IKZF2: variants seen among roughly 807,000 people sequenced by gnomAD.
IKZF2 encodes the protein zinc finger protein Helios.
Under a neutral mutation model 49.2 loss-of-function variants are expected in IKZF2, and 15 were observed. That is an observed-to-expected ratio of 0.30 (90% CI 0.20 to 0.47). IKZF2 has a LOEUF of 0.47. Ranked by LOEUF, IKZF2 falls within the 20% of genes least tolerant of loss-of-function variation. IKZF2 has a pLI of 1.00. For synonymous variants in IKZF2, 227 were observed against 221.4 expected, an observed-to-expected ratio of 1.03 and a Z score of -0.23; for missense variants, 567 against 664.6, an observed-to-expected ratio of 0.85 and a Z score of 1.61.
At chr2:213,036,688 T>TA (rs1249902812) in intron 6 of IKZF2, among the ~76,000 whole-genome samples, 1 of 152,178 alleles carries the variant, frequency 6.6e-6, no homozygotes, top group Non-Finnish European at 1.5e-5. Flanking sequence ...TCCACTCTGA[T>TA]AGATTTCTGA....
intron 4 of IKZF2, among the ~76,000 whole-genome samples, chr2:213,107,020 A>G (rs968438899): frequency 1.3e-5 from 2 of 152,190 alleles, no homozygotes; most frequent in African/African-American, 4.8e-5. Context: ...GGGGAAAATC[A>G]TAAACCTAGA....
intron 4 of IKZF2, among the ~76,000 whole-genome samples, chr2:213,142,143 T>C (rs145524500): frequency 4.6e-5 from 7 of 152,124 alleles, no homozygotes; most frequent in African/African-American, 1.7e-4. Flanking sequence ...ATGACTGGTA[T>C]ATCTGGAACA....
chr2:213,053,649 G>A (rs1199977149), intron 5 of IKZF2, among the ~76,000 whole-genome samples: 2 of 152,108 alleles, frequency 1.3e-5, no homozygotes, highest in African/African-American at 4.8e-5. Context: ...ATTAAGGAGA[G>A]GCAAAATTAG....
chr2:213,136,387 A>AG (rs202169007), intron 4 of IKZF2, among the ~76,000 whole-genome samples: 12,291 of 99,782 alleles, frequency 0.12, 1,313 homozygotes, highest in East Asian at 0.41. Flanking sequence ...AAAAAAAAAA[A>AG]AAAAGAAAAA....
intron 4 of IKZF2, among the ~76,000 whole-genome samples, chr2:213,068,453 A>G (rs1411872379): frequency 6.6e-6 from 1 of 152,104 alleles, no homozygotes; most frequent in African/African-American, 2.4e-5. Context: ...TTAAAAGCCT[A>G]CCTGCCTGAG....
At chr2:213,148,352 A>G (rs1231689515) in intron 3 of IKZF2, among the ~76,000 whole-genome samples, 1 of 152,236 alleles carries the variant, frequency 6.6e-6, no homozygotes, top group South Asian at 2.1e-4. Flanking sequence ...AAAAAGTAGG[A>G]AAGTGTTGAA....
At chr2:213,079,243 G>A (rs117758351) in intron 4 of IKZF2, among the ~76,000 whole-genome samples, 1 of 152,112 alleles carries the variant, frequency 6.6e-6, no homozygotes, top group East Asian at 1.9e-4. Flanking sequence ...GCCAGGTGTG[G>A]TAGTGCGTGT....
At chr2:213,041,842 G>A (rs113095971) in intron 6 of IKZF2, among the ~76,000 whole-genome samples, 18 of 151,980 alleles carry the variant, frequency 1.2e-4, no homozygotes, top group African/African-American at 3.9e-4. Context: ...ATGTTAATTC[G>A]GTTTCATGAA....
rs572529831 is a variant in IKZF2 at position 213,006,566 on chromosome 2, T to C, written c.*794A>G. ...GCCTTTTATCCACTCTTAGACCATA[T>C]GTTATTCTGAAAACTACATAAAAAT... On this transcript the variant is annotated 3_prime_UTR_variant, in exon 9 of 9. Transcript: ENST00000434687. The C allele has an allele frequency of 6.6e-6, 1 of 152,436 alleles. No homozygotes were observed. The highest frequency in any genetic ancestry group is 1.5e-5 in the Non-Finnish European group (1 of 67,994). 9.4% of individuals were successfully genotyped at this position (152,436 alleles called of 1,614,324 possible). A position where few individuals can be genotyped will look rare whatever the true frequency, so the allele number is the denominator to read the frequency against.
intron 4 of IKZF2, among the ~76,000 whole-genome samples, chr2:213,085,486 T>C (rs1044582212): frequency 2.6e-5 from 4 of 152,202 alleles, no homozygotes; most frequent in Non-Finnish European, 4.4e-5. Context: ...TTCACCATGA[T>C]CTTATTCCAG....
At chr2:213,071,848 T>G (rs1702738626) in intron 4 of IKZF2, among the ~76,000 whole-genome samples, 1 of 152,002 alleles carries the variant, frequency 6.6e-6, no homozygotes, top group Non-Finnish European at 1.5e-5. Context: ...AATTATATAA[T>G]TGTCTTTTTT....
chr2:213,057,840 T>C (rs1360683160), intron 4 of IKZF2, among the ~76,000 whole-genome samples: 2 of 152,164 alleles, frequency 1.3e-5, no homozygotes, highest in East Asian at 1.9e-4. Context: ...AGTAATGGCA[T>C]AGCATGCATG....
At chr2:213,114,927 CAA>C (rs5838366) in intron 4 of IKZF2, among the ~76,000 whole-genome samples, 1 of 139,014 alleles carries the variant, frequency 7.2e-6, no homozygotes, top group Non-Finnish European at 1.6e-5. Context: ...GACTCCATCT[CAA>C]AAAAAAAAAA....
chr2:213,017,237 C>T (rs1193980177), intron 7 of IKZF2, among the ~76,000 whole-genome samples: 1 of 152,008 alleles, frequency 6.6e-6, no homozygotes, highest in Non-Finnish European at 1.5e-5. Flanking sequence ...TCCGTATTGC[C>T]TTATTAAAAA....
In IKZF2 at chr2:213,056,866, T is replaced by C; in HGVS notation, c.373A>G (p.Asn125Asp). The C allele has an allele frequency of 6.2e-7, 1 of 1,613,830 alleles. No homozygotes were observed. Among genetic ancestry groups the C allele is most frequent in the Non-Finnish European group, 8.5e-7 (1 of 1,179,860 alleles). ...DVCGMVCIGPNVLMVHKRSHT... is the reference protein window; with the variant it reads ...DVCGMVCIGPDVLMVHKRSHT... Reference sequence around the variant, plus strand: ...CTCCTTTTATGTACCATAAGCACATTGGGCCCAATGCAAACCATGCCACAG... The same window carrying C: ...CTCCTTTTATGTACCATAAGCACATCGGGCCCAATGCAAACCATGCCACAG... Residue 125 changes from asparagine to aspartate, a missense_variant, in exon 5 of 9, where the codon AAT becomes GAT. Asn to Asp is a conservative substitution (Grantham distance 23). This residue lies in a region of IKZF2 where 54 missense variants were observed against 119.9 expected (regional missense o/e 0.45). Transcript: ENST00000434687.
chr2:213,060,256 T>C (rs772017078), intron 4 of IKZF2, among the ~76,000 whole-genome samples: 2 of 151,364 alleles, frequency 1.3e-5, no homozygotes, highest in African/African-American at 2.4e-5. Flanking sequence ...GTAGAACACC[T>C]AATATTTTAA....
chr2:213,014,209 T>A (rs1444134107), intron 7 of IKZF2: 6 of 227,912 alleles, frequency 2.6e-5, no homozygotes, highest in Middle Eastern at 1.5e-3. Context: ...TGGTTTCTCA[T>A]CTTATTCCCC....
intron 4 of IKZF2, among the ~76,000 whole-genome samples, chr2:213,095,974 A>G (rs545660023): frequency 1.3e-5 from 2 of 152,142 alleles, no homozygotes; most frequent in South Asian, 4.1e-4. Context: ...ATTGATAGTC[A>G]TAAGTAACCC....
At chr2:213,125,428 T>C (rs569393536) in intron 4 of IKZF2, among the ~76,000 whole-genome samples, 7 of 152,256 alleles carry the variant, frequency 4.6e-5, no homozygotes, top group Admixed American at 3.9e-4. Context: ...AAAACCGTAA[T>C]TAAGAAATGT....
Sources: gnomAD v4.1 joint callset for allele counts (sites outside exome capture counted in the v4.1 genomes callset) on GRCh38, gnomAD v4.1.1 for gene constraint, gnomAD v4.1.1 regional missense constraint, MANE v1.5 for transcripts, NCBI Gene and HGNC (gene_info 2026-07-23, HGNC 2026-07-21) for gene names.